The following AUTS2 variants were observed in gnomAD, a reference collection of about 807,000 sequenced individuals.
AUTS2 encodes the protein autism susceptibility gene 2 protein.
AUTS2 carries 17 observed loss-of-function variants against 112.4 expected under a neutral mutation model. The observed-to-expected ratio is 0.15, with a 90% CI of 0.10 to 0.23. The LOEUF (loss-of-function observed/expected upper bound fraction) is 0.23. Among genes scored for constraint, AUTS2 ranks in the 10% least tolerant of loss-of-function variants. The pLI is 1.00. For synonymous variants in AUTS2, 751 were observed against 702.7 expected, an observed-to-expected ratio of 1.07 and a Z score of -1.09; for missense variants, 1,510 against 1,701.6, an observed-to-expected ratio of 0.89 and a Z score of 1.98.
At chr7:70,651,072 A>G (rs17579329) in intron 5 of AUTS2, among the ~76,000 whole-genome samples, 9,375 of 152,312 alleles carry the variant, frequency 0.062, 480 homozygotes, top group Middle Eastern at 0.18. Flanking sequence ...ATGATCAACT[A>G]CAGTTATTGA....
At chr7:70,385,836 A>G (rs1793582050) in intron 4 of AUTS2, among the ~76,000 whole-genome samples, 1 of 152,202 alleles carries the variant, frequency 6.6e-6, no homozygotes, top group Admixed American at 6.5e-5. Context: ...CTGGCACAGA[A>G]TGGTGATTAT....
intron 4 of AUTS2, among the ~76,000 whole-genome samples, chr7:70,341,065 C>G (rs1791241445): frequency 6.6e-6 from 1 of 152,230 alleles, no homozygotes; most frequent in African/African-American, 2.4e-5. Flanking sequence ...TTTATGTATA[C>G]TGTATAATGT....
rs1387896841 is a variant in AUTS2, at chr7:69,899,262, C to T, written c.310-24C>T. 8.8e-6 allele frequency: 14 copies of T among 1,587,724 alleles called. No homozygotes were observed. The Admixed American group carries it at 1.8e-4, about 21-fold the overall frequency. ...AGATACCTTTGTAACCACCACTTCC[C>T]TTTCCTTCTCTTCTTTTCTACAGAA... On this transcript the variant is annotated intron_variant, in intron 1 of 18. Coordinates refer to ENST00000342771, the MANE Select transcript of AUTS2 (RefSeq NM_015570.4).
chr7:70,211,443 AT>A (rs1417338439), intron 4 of AUTS2, among the ~76,000 whole-genome samples: 3 of 150,284 alleles, frequency 2.0e-5, no homozygotes, highest in Non-Finnish European at 3.0e-5. Context: ...AGGTCAGGAG[AT>A]TAAGACCATC....
At chr7:69,826,071 C>G in intron 1 of AUTS2, among the ~76,000 whole-genome samples, 1 of 152,118 alleles carries the variant, frequency 6.6e-6, no homozygotes, top group Non-Finnish European at 1.5e-5. Context: ...TTTTAGGTAG[C>G]CCATATTGAA....
intron 2 of AUTS2, among the ~76,000 whole-genome samples, chr7:70,047,983 G>A (rs1172561137): frequency 1.3e-5 from 2 of 152,136 alleles, no homozygotes; most frequent in African/African-American, 4.8e-5. Flanking sequence ...GGGAGCATGG[G>A]TCTGCTGTAT....
chr7:70,178,589 CAGGAGTTTGAGA>C (rs1809123285), intron 4 of AUTS2, among the ~76,000 whole-genome samples: 2 of 152,074 alleles, frequency 1.3e-5, no homozygotes, highest in South Asian at 4.1e-4. Context: ...CCCATGAGGT[CAGGAGTTTGAGA>C]CCAGCCTGGC....
intron 4 of AUTS2, among the ~76,000 whole-genome samples, chr7:70,253,908 C>G (rs1786726724): frequency 2.6e-5 from 4 of 151,890 alleles, no homozygotes; most frequent in Admixed American, 2.6e-4. Flanking sequence ...GATGTCTTAC[C>G]TGGGGTGGGG....
At chr7:70,076,778 A>T (rs930851479) in intron 2 of AUTS2, among the ~76,000 whole-genome samples, 5 of 152,162 alleles carry the variant, frequency 3.3e-5, no homozygotes, top group South Asian at 2.1e-4. Flanking sequence ...TAAATGGGAA[A>T]CCCTGTGTCT....
intron 5 of AUTS2, among the ~76,000 whole-genome samples, chr7:70,562,286 G>A (rs1335631440): frequency 1.3e-5 from 2 of 152,170 alleles, no homozygotes; most frequent in African/African-American, 4.8e-5. Flanking sequence ...AGACCACTTG[G>A]TTATCTCCTG....
chr7:70,675,008 C>T lies in AUTS2; in HGVS notation c.691-23561C>T, dbSNP rs554825770. ...GACTTGATGCACCTCCTGCACCCTG[C>T]GATTCAGGCTGGCAATTTCTATCCC... On this transcript the variant is annotated intron_variant, in intron 5 of 18. Transcript: ENST00000342771. 2.6e-5 allele frequency among the ~76,000 whole-genome samples: 4 copies of T among 152,284 alleles called. No individual in the cohort carries two copies. In the East Asian group the frequency reaches 7.7e-4, roughly 29 times the overall value.
At chr7:70,336,075 A>G (rs916071440) in intron 4 of AUTS2, among the ~76,000 whole-genome samples, 2 of 152,232 alleles carry the variant, frequency 1.3e-5, no homozygotes, top group African/African-American at 4.8e-5. Flanking sequence ...TTACAAACAG[A>G]TCTTTCTTTC....
At chr7:70,688,883 C>T (rs537111791) in intron 5 of AUTS2, among the ~76,000 whole-genome samples, 106 of 152,296 alleles carry the variant, frequency 7.0e-4, no homozygotes, top group African/African-American at 2.1e-3. Flanking sequence ...GTAGGCAAAA[C>T]GGTAGTCCTC....
chr7:70,575,332 C>G (rs1802116240), intron 5 of AUTS2, among the ~76,000 whole-genome samples: 1 of 152,188 alleles, frequency 6.6e-6, no homozygotes, highest in African/African-American at 2.4e-5. Flanking sequence ...GTGTGCACCC[C>G]CTTCCTTTGC....
At chr7:69,735,052 A>G (rs1562846376) in intron 1 of AUTS2, among the ~76,000 whole-genome samples, 1 of 152,242 alleles carries the variant, frequency 6.6e-6, no homozygotes, top group Non-Finnish European at 1.5e-5. Context: ...TGCATCCTCC[A>G]GAAGCTCCAG....
intron 1 of AUTS2, among the ~76,000 whole-genome samples, chr7:69,866,487 C>G (rs548534862): frequency 8.5e-5 from 13 of 152,262 alleles, no homozygotes; most frequent in African/African-American, 2.6e-4. Flanking sequence ...AGGCACCTGT[C>G]ACATACTGTA....
rs531016003 is a variant in AUTS2 at position 70,506,785 on chromosome 7, G to A, written c.690+71004G>A. Among the ~76,000 whole-genome samples, 16 of 152,246 alleles carry A rather than the reference G, an allele frequency of 1.1e-4. 1 individual carries two copies. In the South Asian group the frequency reaches 2.7e-3, roughly 26 times the overall value. On this transcript the variant is annotated intron_variant, in intron 5 of 18. Transcript: ENST00000342771. ...ACAGGCAGGCTCTGTTGTTTATTTC[G>A]GGGCTGAGATTCAGCAGTTTCTTAT... is the stretch of plus-strand genomic sequence containing the variant.
At chr7:69,614,314 C>CTCCTT (rs1793205152) in intron 1 of AUTS2, among the ~76,000 whole-genome samples, 1 of 83,320 alleles carries the variant, frequency 1.2e-5, no homozygotes, top group Non-Finnish European at 2.4e-5. Context: ...CACTCTCCGT[C>CTCCTT]TCTTTCTTTC....
intron 5 of AUTS2, among the ~76,000 whole-genome samples, chr7:70,560,035 C>T (rs773502183): frequency 3.9e-5 from 6 of 152,220 alleles, no homozygotes; most frequent in Admixed American, 2.0e-4. Flanking sequence ...GCTCCAGTCA[C>T]GCTGGCCTTT....
Sources: allele counts gnomAD v4.1 joint callset (sites outside exome capture counted in the v4.1 genomes callset), GRCh38; gene constraint gnomAD v4.1.1; transcripts MANE v1.5; gene names NCBI Gene and HGNC (gene_info 2026-07-23, HGNC 2026-07-21).